HPCAL1: variants seen among roughly 807,000 people sequenced by gnomAD.
HPCAL1 encodes the protein hippocalcin like 1.
In HPCAL1, 8 loss-of-function variants were observed where a neutral mutation model predicts 17.1. The observed-to-expected ratio is 0.47, with a 90% CI of 0.27 to 0.84. The LOEUF (loss-of-function observed/expected upper bound fraction) is 0.84, where lower values mean the gene tolerates loss of function less well. HPCAL1 is among the 40% of genes least tolerant of loss of function. The pLI is 0.13. For synonymous variants in HPCAL1, 112 were observed against 111.4 expected (o/e 1.01, Z -0.03); for missense variants, 165 against 271.1 (o/e 0.61, Z 2.75).
Position 10,384,559 on chromosome 2 carries a change from A to G in HPCAL1, c.-110-12276A>G. The stretch of plus-strand genomic sequence containing the variant: ...CAGATGCTAATCTGCAAATCCCAGA[A>G]AAGTGGAATCTCGGTGGCAGAGTGG... On this transcript the variant is annotated intron_variant, in intron 1 of 4. Transcript: ENST00000307845. The surrounding 1 kb of genome is among the most constrained non-coding windows in gnomAD (Gnocchi z 4.4). 6.6e-6 allele frequency among the ~76,000 whole-genome samples: 1 copy of G among 152,088 alleles called. No individual in the cohort carries two copies. The highest frequency in any genetic ancestry group is 1.5e-5 in the Non-Finnish European group (1 of 67,998).
rs1666381499 is a variant in HPCAL1 at position 10,359,345 on chromosome 2, A to G, written c.-110-37490A>G. Among the ~76,000 whole-genome samples the G allele has an allele frequency of 1.3e-5, 2 of 152,152 alleles. No homozygotes were observed. Among genetic ancestry groups the G allele is most frequent in the Non-Finnish European group, 2.9e-5 (2 of 67,978 alleles). ...TGGCATGGGTTAGTGGCTCCGTGTC[A>G]CCTGGTTCCTCTCACCTCTGTTTTC... On this transcript the variant is annotated intron_variant, in intron 1 of 4. Transcript: ENST00000307845. The surrounding 1 kb of genome is among the most constrained non-coding windows in gnomAD (Gnocchi z 4.1).
rs1186859853 is a variant in HPCAL1 at position 10,394,953 on chromosome 2, G to A, written c.-110-1882G>A. Among the ~76,000 whole-genome samples the A allele has an allele frequency of 6.6e-6, 1 of 151,614 alleles. No individual in the cohort carries two copies. Among genetic ancestry groups the A allele is most frequent in the Non-Finnish European group, 1.5e-5 (1 of 67,972 alleles). On this transcript the variant is annotated intron_variant, in intron 1 of 4. Transcript: ENST00000307845. This position sits in a 1 kb window ranked among gnomAD's most constrained non-coding sequence, Gnocchi z 5.0. ...TGGGACTACAGGCACGCACCACCAC[G>A]CATGGCTAATTTTTTGTATTTTTAG...
At chr2:10,388,335 G>A (rs1460691466) in intron 1 of HPCAL1, among the ~76,000 whole-genome samples, 2 of 152,252 alleles carry the variant, frequency 1.3e-5, no homozygotes, top group Non-Finnish European at 2.9e-5. Flanking sequence ...TGCCTGAGAA[G>A]GTCAGTGGCA....
intron 1 of HPCAL1, among the ~76,000 whole-genome samples, chr2:10,333,890 G>C (rs1037077708): frequency 2.0e-5 from 3 of 152,174 alleles, no homozygotes; most frequent in Non-Finnish European, 2.9e-5. Context: ...ATAAAATAAT[G>C]TCATCTGTGT....
chr2:10,396,320 C>T (rs548963296), intron 1 of HPCAL1, among the ~76,000 whole-genome samples: 4 of 152,268 alleles, frequency 2.6e-5, no homozygotes, highest in East Asian at 1.9e-4. Flanking sequence ...GTCAAGAAAC[C>T]GTGGAGGCTG....
rs1197265577 is a variant in HPCAL1, at chr2:10,427,117, T to C, written c.*296T>C. 1.5e-5 allele frequency: 6 copies of C among 397,416 alleles called. No homozygotes were observed. The highest frequency in any genetic ancestry group is 1.1e-4 in the East Asian group (2 of 18,370). The allele number at this position is 397,416 out of a possible 1,614,324, so 24.6% of individuals were successfully genotyped here. On this transcript the variant is annotated 3_prime_UTR_variant, in exon 5 of 5. Coordinates refer to ENST00000307845, the MANE Select transcript of HPCAL1 (RefSeq NM_002149.4). The stretch of plus-strand genomic sequence containing the variant: ...TCCCGGCTCACGGGGAGCTCAGAGG[T>C]CCATGCCGAGGAGACCAGGCAGGAC...
At chr2:10,303,792 AC>A (rs1035697964) in intron 1 of HPCAL1, 3 of 152,088 alleles carry the variant, frequency 2.0e-5, no homozygotes, top group African/African-American at 7.2e-5. Flanking sequence ...CCTCCCCGCG[AC>A]CCGCACTGCG....
At chr2:10,337,132 T>C (rs907841906) in intron 1 of HPCAL1, among the ~76,000 whole-genome samples, 2 of 152,084 alleles carry the variant, frequency 1.3e-5, no homozygotes, top group Non-Finnish European at 2.9e-5. Flanking sequence ...CACATTGCAT[T>C]GGCTGAAGCA....
intron 1 of HPCAL1, among the ~76,000 whole-genome samples, chr2:10,372,179 C>A (rs1344794546): frequency 6.6e-6 from 1 of 152,172 alleles, no homozygotes; most frequent in African/African-American, 2.4e-5. Context: ...ATTCCTCAAT[C>A]GGGGCTAAAG....
At chr2:10,388,084 A>T (rs1668439296) in intron 1 of HPCAL1, among the ~76,000 whole-genome samples, 1 of 152,224 alleles carries the variant, frequency 6.6e-6, no homozygotes, top group Admixed American at 6.5e-5. Flanking sequence ...CTAGGGTTCT[A>T]AGGTCTCCTG....
chr2:10,410,396 T>C (rs1237197831), intron 2 of HPCAL1, among the ~76,000 whole-genome samples: 1 of 151,884 alleles, frequency 6.6e-6, no homozygotes, highest in Admixed American at 6.6e-5. Flanking sequence ...CCCAGCTGCA[T>C]GTTTACATTT....
intron 1 of HPCAL1, among the ~76,000 whole-genome samples, chr2:10,374,213 A>G (rs1667402969): frequency 6.6e-6 from 1 of 152,160 alleles, no homozygotes; most frequent in South Asian, 2.1e-4. Flanking sequence ...AGTGGGGCAG[A>G]ACGCCAGAGC....
intron 1 of HPCAL1, among the ~76,000 whole-genome samples, chr2:10,318,523 G>A (rs1414729460): frequency 6.6e-6 from 1 of 152,234 alleles, no homozygotes; most frequent in Non-Finnish European, 1.5e-5. Flanking sequence ...CCGCACGTGG[G>A]TGTGGTTAGA....
intron 2 of HPCAL1, among the ~76,000 whole-genome samples, chr2:10,406,113 G>A (rs1020887025): frequency 1.3e-5 from 2 of 152,154 alleles, no homozygotes; most frequent in African/African-American, 2.4e-5. Context: ...CATGCTCCGC[G>A]CTAATTCCTT....
At chr2:10,307,523 C>T (rs1296734271) in intron 1 of HPCAL1, among the ~76,000 whole-genome samples, 2 of 152,188 alleles carry the variant, frequency 1.3e-5, no homozygotes, top group African/African-American at 2.4e-5. Flanking sequence ...GTGTGGGCTC[C>T]GAGCTGTTCC....
chr2:10,415,934 A>G (rs1670638571), intron 2 of HPCAL1, among the ~76,000 whole-genome samples: 1 of 152,216 alleles, frequency 6.6e-6, no homozygotes, highest in Non-Finnish European at 1.5e-5. Context: ...GGCCCCACAC[A>G]GCAACCCGAG....
At chr2:10,338,848 G>C (rs1161623840) in intron 1 of HPCAL1, among the ~76,000 whole-genome samples, 3 of 152,208 alleles carry the variant, frequency 2.0e-5, no homozygotes, top group African/African-American at 7.2e-5. Flanking sequence ...ATGGTGCAGT[G>C]GTGGGGTTTG....
At chr2:10,386,963 G>A (rs1668354671) in intron 1 of HPCAL1, among the ~76,000 whole-genome samples, 1 of 152,224 alleles carries the variant, frequency 6.6e-6, no homozygotes, top group Non-Finnish European at 1.5e-5. Flanking sequence ...CAGTGCCCAG[G>A]GAGTGGCCAG....
At chr2:10,412,973 C>G (rs1011915658) in intron 2 of HPCAL1, among the ~76,000 whole-genome samples, 3 of 151,924 alleles carry the variant, frequency 2.0e-5, no homozygotes, top group Non-Finnish European at 4.4e-5. Context: ...AGGTATTGTA[C>G]TATTTTTGGG....
Sources: allele counts gnomAD v4.1 joint callset (sites outside exome capture counted in the v4.1 genomes callset), GRCh38; gene constraint gnomAD v4.1.1; non-coding constraint Gnocchi (gnomAD v3.1); transcripts MANE v1.5; gene names NCBI Gene and HGNC (gene_info 2026-07-23, HGNC 2026-07-21).